HADH: variants seen among roughly 807,000 people sequenced by gnomAD.
The protein encoded by HADH is hydroxyacyl-coenzyme A dehydrogenase, mitochondrial.
HADH carries 24 observed loss-of-function variants against 32.2 expected under a neutral mutation model. That is an observed-to-expected ratio of 0.75 (90% CI 0.54 to 1.05). The LOEUF is 1.05. HADH is among the 50% of genes least tolerant of loss of function. The probability of loss-of-function intolerance (pLI) is 0.00; values close to 1 mark genes in which losing one functional copy is unlikely to be tolerated. For missense variants in HADH, 350 were observed against 397.1 expected, an observed-to-expected ratio of 0.88 and a Z score of 1.01; for synonymous variants, 139 against 152.5, an observed-to-expected ratio of 0.91 and a Z score of 0.65.
intron 3 of HADH, among the ~76,000 whole-genome samples, chr4:108,016,180 A>G (rs1431939087): frequency 6.6e-6 from 1 of 152,156 alleles, no homozygotes; most frequent in South Asian, 2.1e-4. Flanking sequence ...CCCACTGATC[A>G]GTGCTCTTCT....
intron 1 of HADH, among the ~76,000 whole-genome samples, chr4:107,993,028 GTC>G (rs1158418371): frequency 2.0e-5 from 3 of 152,184 alleles, no homozygotes; most frequent in Non-Finnish European, 1.5e-5. Flanking sequence ...TGGCAGAATA[GTC>G]TCTTGAACCT....
intron 1 of HADH, among the ~76,000 whole-genome samples, chr4:107,995,779 A>G (rs1292299770): frequency 1.3e-5 from 2 of 152,070 alleles, no homozygotes; most frequent in Admixed American, 1.3e-4. Flanking sequence ...TTCTGCCTGC[A>G]CCTCTGGCAA....
intron 4 of HADH, 86 bp downstream of exon 4, chr4:108,019,752 A>G (rs1368660198): frequency 6.6e-6 from 10 of 1,515,700 alleles, no homozygotes; most frequent in Non-Finnish European, 9.2e-6. Flanking sequence ...CCCTGCCACC[A>G]GTTGCCTAGG....
At chr4:108,018,710 C>A (rs536289641) in intron 3 of HADH, among the ~76,000 whole-genome samples, 1 of 152,154 alleles carries the variant, frequency 6.6e-6, no homozygotes, top group African/African-American at 2.4e-5. Flanking sequence ...TCCTTTCCTG[C>A]CCTGTTACAG....
intron 3 of HADH, among the ~76,000 whole-genome samples, chr4:108,016,129 T>C (rs1020551172): frequency 6.6e-6 from 1 of 152,154 alleles, no homozygotes; most frequent in African/African-American, 2.4e-5. Flanking sequence ...CCTGGCAGAA[T>C]GTACCTTGGG....
intron 3 of HADH, among the ~76,000 whole-genome samples, chr4:108,016,865 T>C (rs1275846086): frequency 2.6e-5 from 4 of 152,248 alleles, no homozygotes; most frequent in African/African-American, 9.6e-5. Flanking sequence ...GCAGCACTGG[T>C]ACCTATTGTA....
chr4:108,023,713 C>G, intron 5 of HADH, 150 bp downstream of exon 5: 1 of 686,332 alleles, frequency 1.5e-6, no homozygotes, highest in East Asian at 2.8e-5. Flanking sequence ...CAATCCGTGC[C>G]TCCTGTTCTA....
At chr4:108,000,538 G>T (rs1735091934) in intron 1 of HADH, among the ~76,000 whole-genome samples, 1 of 152,186 alleles carries the variant, frequency 6.6e-6, no homozygotes, top group Non-Finnish European at 1.5e-5. Context: ...GCAGCCATTG[G>T]TGGTTCACAC....
At position 108,017,065 on chromosome 4, in the gene HADH, G is replaced by A. The variant is rs183536158; in HGVS notation, c.420-2475G>A. ...GACCTTCTCCACCTTTCTTGGCACT[G>A]TTTGTTTTTGTTTTAGATCACCACC... On this transcript the variant is annotated intron_variant, in intron 3 of 7. Transcript: ENST00000309522. 9.2e-5 allele frequency among the ~76,000 whole-genome samples: 14 copies of A among 152,246 alleles called. 1 individual carries two copies. Among genetic ancestry groups the A allele is most frequent in the Admixed American group, 7.8e-4 (12 of 15,292 alleles).
At chr4:108,023,280 C>A (rs571195502) in intron 4 of HADH, among the ~76,000 whole-genome samples, 194 bp from the exon 5 acceptor site, 2 of 152,296 alleles carry the variant, frequency 1.3e-5, no homozygotes, top group East Asian at 3.9e-4. Context: ...GCATGAGCCA[C>A]CACATTTGGC....
intron 3 of HADH, among the ~76,000 whole-genome samples, chr4:108,018,139 G>C (rs1188020196): frequency 6.6e-6 from 1 of 152,096 alleles, no homozygotes; most frequent in African/African-American, 2.4e-5. Context: ...GGGGTATTAC[G>C]ATTGTAATAC....
chr4:108,003,356 A>G (rs1371611608), intron 1 of HADH, among the ~76,000 whole-genome samples: 2 of 152,234 alleles, frequency 1.3e-5, no homozygotes, highest in African/African-American at 2.4e-5. Context: ...CTTTAATCCC[A>G]TTCATGAGGG....
chr4:107,990,387 T>G (rs1327626830), intron 1 of HADH, among the ~76,000 whole-genome samples: 1 of 152,186 alleles, frequency 6.6e-6, no homozygotes, highest in Non-Finnish European at 1.5e-5. Flanking sequence ...GAAAGAATTG[T>G]ATGTGCACAA....
intron 6 of HADH, 138 bp from the exon 7 acceptor site, chr4:108,033,038 C>T: frequency 1.3e-6 from 1 of 746,254 alleles, no homozygotes; most frequent in Non-Finnish European, 2.5e-6. Context: ...GAAATCTTAC[C>T]CAAGCCAGAA....
At chr4:107,995,111 A>G (rs1222677979) in intron 1 of HADH, among the ~76,000 whole-genome samples, 2 of 152,032 alleles carry the variant, frequency 1.3e-5, no homozygotes, top group South Asian at 2.1e-4. Flanking sequence ...CTGGGACCAC[A>G]GGAAGATAAT....
chr4:107,999,626 A>G (rs747276568), intron 1 of HADH, among the ~76,000 whole-genome samples: 1 of 152,240 alleles, frequency 6.6e-6, no homozygotes, highest in Non-Finnish European at 1.5e-5. Flanking sequence ...ATAATTTACA[A>G]ATTGAGACTT....
At chr4:108,004,149 A>G (rs989574342) in intron 1 of HADH, among the ~76,000 whole-genome samples, 3 of 152,248 alleles carry the variant, frequency 2.0e-5, no homozygotes, top group African/African-American at 7.2e-5. Context: ...CCCCAAAGGC[A>G]GTTATGAAGA....
Position 107,990,051 on chromosome 4 carries a change from C to T in HADH, c.119C>T (p.Ala40Val). 3 of 1,610,078 alleles carry T rather than the reference C, an allele frequency of 1.9e-6. No homozygotes were observed. The highest frequency in any genetic ancestry group is 2.5e-6 in the Non-Finnish European group (3 of 1,178,974). Residue 40 changes from alanine (A) to valine (V), a missense_variant, in exon 1 of 8, where the codon GCC (alanine) becomes GTC (valine). Transcript: ENST00000309522. Reference protein sequence around the residue: ...VTVIGGGLMGAGIAQVAAATG... With the variant: ...VTVIGGGLMGVGIAQVAAATG... ...GTCATCGGCGGCGGGCTGATGGGCGCCGGCATTGCCCAGGTGAGCGGCCCT... is the reference window on the plus strand; with the variant it reads ...GTCATCGGCGGCGGGCTGATGGGCGTCGGCATTGCCCAGGTGAGCGGCCCT...
chr4:108,016,506 C>T (rs1241936097), intron 3 of HADH, among the ~76,000 whole-genome samples: 2 of 152,144 alleles, frequency 1.3e-5, no homozygotes, highest in Admixed American at 6.5e-5. Flanking sequence ...CTTGTGGTAC[C>T]GGGACTGGCT....
Sources: allele counts gnomAD v4.1 joint callset (sites outside exome capture counted in the v4.1 genomes callset), GRCh38; gene constraint gnomAD v4.1.1; transcripts MANE v1.5; gene names NCBI Gene and HGNC (gene_info 2026-07-23, HGNC 2026-07-21).